The following TGFBRAP1 variants were observed in gnomAD, a reference collection of about 807,000 sequenced individuals.
The protein encoded by TGFBRAP1 is transforming growth factor-beta receptor-associated protein 1.
A neutral mutation model predicts 83.2 loss-of-function variants in TGFBRAP1; 20 were observed. That is an observed-to-expected ratio of 0.24 (90% CI 0.17 to 0.35). The LOEUF is 0.35. TGFBRAP1 is among the 10% of genes least tolerant of loss of function. The probability of loss-of-function intolerance (pLI) is 1.00; values close to 1 mark genes in which losing one functional copy is unlikely to be tolerated. For synonymous variants in TGFBRAP1, 415 were observed against 459.8 expected (o/e 0.90, Z 1.25); for missense variants, 950 against 1,099.4 (o/e 0.86, Z 1.92).
At chr2:105,296,631 A>C in intron 3 of TGFBRAP1, 121 bp from the exon 4 acceptor site, 3 of 1,122,334 alleles carry the variant, frequency 2.7e-6, no homozygotes, top group East Asian at 2.7e-5. Context: ...TAGTTTTCTC[A>C]AAGGAATTCC....
At chr2:105,278,439 G>A (rs994283305) in intron 6 of TGFBRAP1, among the ~76,000 whole-genome samples, 14 of 152,148 alleles carry the variant, frequency 9.2e-5, no homozygotes, top group Admixed American at 3.9e-4. Context: ...GCTAGTGTCC[G>A]GGACTCGCAG....
chr2:105,250,128 C>A, the TGFBRAP1 span, among the ~76,000 whole-genome samples: 2 of 152,138 alleles, frequency 1.3e-5, no homozygotes, highest in Non-Finnish European at 2.9e-5. Context: ...AAGAGGGAAC[C>A]AGTAGGAGCT....
intron 6 of TGFBRAP1, among the ~76,000 whole-genome samples, chr2:105,279,720 A>G (rs1488921452): frequency 2.0e-5 from 3 of 152,168 alleles, no homozygotes; most frequent in Admixed American, 6.6e-5. Context: ...AGTGAATACG[A>G]GGCTGACTAC....
At chr2:105,321,522 GA>G (rs202114524) in intron 1 of TGFBRAP1, among the ~76,000 whole-genome samples, 7 of 150,746 alleles carry the variant, frequency 4.6e-5, no homozygotes, top group South Asian at 2.1e-4. Flanking sequence ...AACTTTTATA[GA>G]AAAAAAAATG....
At chr2:105,272,823 C>T (rs766581981) in intron 10 of TGFBRAP1, 32 bp downstream of exon 10, 4 of 1,602,340 alleles carry the variant, frequency 2.5e-6, no homozygotes, top group Non-Finnish European at 3.4e-6. Context: ...TGAGTTTTTT[C>T]CAAAGGGAGA....
chr2:105,273,853 A>G (rs531840257), intron 8 of TGFBRAP1, among the ~76,000 whole-genome samples, 163 bp from the exon 9 acceptor site: 1 of 152,346 alleles, frequency 6.6e-6, no homozygotes, highest in South Asian at 2.1e-4. Flanking sequence ...ATATCTCAAT[A>G]CAGTGGCTTA....
In TGFBRAP1 at chr2:105,266,797, G is replaced by C. The variant is rs1419107122; in HGVS notation, c.*586C>G. ...AGAAGGAACAAAGGTACTTCTCCAGGGTCAGCCGTTTCTGAGGGCAAAGGC... is the reference window on the plus strand; with the variant it reads ...AGAAGGAACAAAGGTACTTCTCCAGCGTCAGCCGTTTCTGAGGGCAAAGGC... On this transcript the variant is annotated 3_prime_UTR_variant, in exon 12 of 12. Coordinates refer to ENST00000393359, the MANE Select transcript of TGFBRAP1 (RefSeq NM_004257.6). The C allele has an allele frequency of 6.6e-6, 1 of 152,386 alleles. No individual in the cohort carries two copies. Among genetic ancestry groups the C allele is most frequent in the Non-Finnish European group, 1.5e-5 (1 of 68,208 alleles). 9.4% of individuals were successfully genotyped at this position (152,386 alleles called of 1,614,324 possible). A position where few individuals can be genotyped will look rare whatever the true frequency, so the allele number is the denominator to read the frequency against.
intron 1 of TGFBRAP1, among the ~76,000 whole-genome samples, chr2:105,315,081 T>A (rs1014031903): frequency 5.3e-4 from 81 of 152,224 alleles, no homozygotes; most frequent in African/African-American, 1.7e-3. Context: ...TTAATTTTTT[T>A]AAAAACCAAA....
At chr2:105,268,690 C>A (rs1248964126) in intron 11 of TGFBRAP1, among the ~76,000 whole-genome samples, 1 of 152,140 alleles carries the variant, frequency 6.6e-6, no homozygotes, top group Non-Finnish European at 1.5e-5. Flanking sequence ...GGGAGGGGAA[C>A]ACGTCGGATA....
downstream of TGFBRAP1, among the ~76,000 whole-genome samples, chr2:105,263,926 G>A (rs184820543): frequency 2.4e-4 from 36 of 152,256 alleles, no homozygotes; most frequent in Non-Finnish European, 5.3e-4. Flanking sequence ...ATTATCATGT[G>A]TGTGAACATA....
intron 1 of TGFBRAP1, among the ~76,000 whole-genome samples, chr2:105,329,274 C>T (rs1025965501): frequency 1.3e-5 from 2 of 152,016 alleles, no homozygotes; most frequent in African/African-American, 4.8e-5. Context: ...CTTCCCTTGC[C>T]CTAAACACAC....
intron 4 of TGFBRAP1, among the ~76,000 whole-genome samples, chr2:105,286,193 G>A (rs1168940836): frequency 6.6e-6 from 1 of 152,184 alleles, no homozygotes; most frequent in Non-Finnish European, 1.5e-5. Context: ...CTATAATCTA[G>A]TCTGGGAATG....
chr2:105,324,745 T>C (rs1319792596), intron 1 of TGFBRAP1, among the ~76,000 whole-genome samples: 1 of 152,102 alleles, frequency 6.6e-6, no homozygotes, highest in Non-Finnish European at 1.5e-5. Context: ...GAATTGGATA[T>C]ACCATGAGCT....
chr2:105,253,822 C>A, the TGFBRAP1 span, among the ~76,000 whole-genome samples: 1 of 152,088 alleles, frequency 6.6e-6, no homozygotes, highest in Non-Finnish European at 1.5e-5. Flanking sequence ...AACCAAACAA[C>A]CAGTGTGTTT....
the TGFBRAP1 span, among the ~76,000 whole-genome samples, chr2:105,255,736 CCAAA>C: frequency 4.6e-5 from 7 of 152,156 alleles, no homozygotes; most frequent in Admixed American, 2.0e-4. Flanking sequence ...GAGCCAGGTA[CCAAA>C]CAATTAGGGA....
chr2:105,329,372 CCAG>C (rs1341140495), intron 1 of TGFBRAP1, among the ~76,000 whole-genome samples: 2 of 152,032 alleles, frequency 1.3e-5, no homozygotes, highest in Non-Finnish European at 2.9e-5. Context: ...TTTGCTCACC[CCAG>C]CAGGCTAGCC....
At chr2:105,252,611 ATC>A in the TGFBRAP1 span, among the ~76,000 whole-genome samples, 1 of 151,878 alleles carries the variant, frequency 6.6e-6, no homozygotes, top group Admixed American at 6.6e-5. Flanking sequence ...TCATCTCTAA[ATC>A]TCTGTTATAC....
chr2:105,319,323 A>G (rs1319229374), intron 1 of TGFBRAP1, among the ~76,000 whole-genome samples: 2 of 150,802 alleles, frequency 1.3e-5, no homozygotes, highest in African/African-American at 2.4e-5. Context: ...CAGCCTCCCA[A>G]AGTGTTGCAA....
chr2:105,284,548 G>A lies in TGFBRAP1; in HGVS notation c.1039-150C>T, dbSNP rs1026107128. The stretch of plus-strand genomic sequence containing the variant: ...AAACAAGGTGCATATGAAATTATAT[G>A]TATCTGTCTCTTTATGGTTTTATTT... On this transcript the variant is annotated intron_variant, in intron 4 of 11. Coordinates refer to ENST00000393359, the MANE Select transcript of TGFBRAP1 (RefSeq NM_004257.6). 9.0e-6 allele frequency: 6 copies of A among 665,964 alleles called. No individual in the cohort carries two copies. The African/African-American group carries it at 1.1e-4, about 12-fold the overall frequency. The allele number at this position is 665,964 out of a possible 1,614,324, so 41.3% of individuals were successfully genotyped here. A position where few individuals can be genotyped will look rare whatever the true frequency, so the allele number is the denominator to read the frequency against.
Sources: gnomAD v4.1 joint callset for allele counts (sites outside exome capture counted in the v4.1 genomes callset) on GRCh38, gnomAD v4.1.1 for gene constraint, MANE v1.5 for transcripts, NCBI Gene and HGNC (gene_info 2026-07-23, HGNC 2026-07-21) for gene names.